Variants in EML3 observed in about 807,000 individuals in gnomAD.
EML3 encodes echinoderm microtubule-associated protein-like 3.
In EML3, 53 loss-of-function variants were observed where a neutral mutation model predicts 106.7. The ratio of observed to expected loss-of-function variants is 0.50; its 90% CI spans 0.40 to 0.62. The LOEUF is 0.62. Ranked by LOEUF, EML3 falls within the 20% of genes least tolerant of loss-of-function variation. The pLI, the probability that EML3 is intolerant of heterozygous loss-of-function variation, is 0.00. For synonymous variants in EML3, 499 were observed against 489.6 expected, an observed-to-expected ratio of 1.02 and a Z score of -0.25; for missense variants, 994 against 1,209.1, an observed-to-expected ratio of 0.82 and a Z score of 2.64.
rs754676453 is a variant in EML3, at chr11:62,604,218, T to C, written c.1983-17A>G. 1 of 1,612,542 alleles carries C rather than the reference T, an allele frequency of 6.2e-7. No individual in the cohort carries two copies. The highest frequency in any genetic ancestry group is 1.1e-5 in the South Asian group (1 of 90,990). On this transcript the variant is annotated splice_polypyrimidine_tract_variant and intron_variant, in intron 16 of 21. Transcript: ENST00000394773. ...ACCAACCACCTGGAAGGGAGGGAAG[T>C]GGAGGCAGATAGGAAGACGAAAAGG...
rs1295525201 is a variant in EML3, at chr11:62,607,677, CCT to C, written c.1349_1350del (p.Gln450ArgfsTer64). 1.2e-6 allele frequency: 2 copies of C among 1,613,268 alleles called. No individual in the cohort carries two copies. The highest frequency in any genetic ancestry group is 2.2e-5 in the East Asian group (1 of 44,902). On this transcript the variant is annotated frameshift_variant, in exon 11 of 22. Transcript: ENST00000394773. LOFTEE classifies it high-confidence loss of function. ...TATCCATGCCTCACCCCAAAGACAC[CCT>C]GTTTCCGGGTAAGGGTCCCATTCCC... ...VPGNGTLTRKQGVFGKYKKPK... is the reference protein window; with the variant it reads ...VPGNGTLTRKXGVFGKYKKPK...
At chr11:62,606,042 T>A in intron 13 of EML3, 21 bp downstream of exon 13, 1 of 1,613,704 alleles carries the variant, frequency 6.2e-7, no homozygotes, top group Non-Finnish European at 8.5e-7. Context: ...CTCACTCCCT[T>A]GACCCCAGCC....
At position 62,609,555 on chromosome 11, in the gene EML3, A is replaced by G; in HGVS notation, c.634+74T>C. The G allele has an allele frequency of 3.2e-6, 5 of 1,557,678 alleles. No individual in the cohort carries two copies. The Admixed American group carries it at 5.7e-5, about 18-fold the overall frequency. The stretch of plus-strand genomic sequence containing the variant: ...GAACCCTACCCACCACACCTACCCA[A>G]AATAGCTCCTGGGGCTACAGCCCAA... On this transcript the variant is annotated intron_variant, in intron 5 of 21. Transcript: ENST00000394773.
intron 20 of EML3, 60 bp from the exon 21 acceptor site, chr11:62,602,949 T>C: frequency 6.7e-7 from 1 of 1,483,742 alleles, no homozygotes; most frequent in Non-Finnish European, 8.9e-7. Flanking sequence ...GGCCCAGAGC[T>C]ACACCATTTC....
chr11:62,609,766 CAAG>C, intron 4 of EML3, 70 bp from the exon 5 acceptor site: 2 of 1,394,918 alleles, frequency 1.4e-6, no homozygotes, highest in South Asian at 2.8e-5. Flanking sequence ...GGGCAGGACA[CAAG>C]AAAAGAGGTC....
At position 62,611,439 on chromosome 11, in the gene EML3, A is replaced by G; in HGVS notation, c.180T>C (p.Ala60=). The change falls in exon 2 of 22, where the codon GCT becomes GCC. Residue 60 remains alanine (A), a synonymous_variant. Coordinates refer to ENST00000394773, the MANE Select transcript of EML3 (RefSeq NM_153265.3). ...GACATGCATACCTGTCCCCCGGAGG[A>G]GCTGGTGTGCCAGAGCCCTGCAGGG... is the stretch of plus-strand genomic sequence containing the variant. The part of the protein sequence containing the change: ...PSSLQGSGTP[A]PPGDSLAAPP... The G allele has an allele frequency of 6.2e-7, 1 of 1,613,708 alleles. No homozygotes were observed. Among genetic ancestry groups the G allele is most frequent in the South Asian group, 1.1e-5 (1 of 91,074 alleles).
At chr11:62,603,067 G>T in intron 20 of EML3, 82 bp downstream of exon 20, 2 of 1,574,168 alleles carry the variant, frequency 1.3e-6, no homozygotes, top group South Asian at 1.1e-5. Context: ...CTCACCCAAC[G>T]ACACACGCCC....
chr11:62,602,962 G>C, intron 20 of EML3, 73 bp from the exon 21 acceptor site: 1 of 1,472,856 alleles, frequency 6.8e-7, no homozygotes, highest in Non-Finnish European at 9.0e-7. Context: ...ACCATTTCAG[G>C]CGCTCCGGCA....
At chr11:62,607,199 G>A in intron 11 of EML3, 100 bp from the exon 12 acceptor site, 2 of 1,473,116 alleles carry the variant, frequency 1.4e-6, no homozygotes, top group Non-Finnish European at 1.8e-6. Context: ...TGTAATCCCA[G>A]CACTTTGGGA....
intron 1 of EML3, 59 bp from the exon 2 acceptor site, chr11:62,611,655 G>A (rs1590764133): frequency 2.6e-6 from 4 of 1,531,318 alleles, no homozygotes; most frequent in South Asian, 1.2e-5. Context: ...AGCGTAGAGG[G>A]GATTCTGTCT....
At chr11:62,612,326 G>T in intron 1 of EML3, 110 bp downstream of exon 1, 1 of 1,134,708 alleles carries the variant, frequency 8.8e-7, no homozygotes, top group Non-Finnish European at 1.2e-6. Context: ...GGAGCCCCTG[G>T]GGCGGAGGAG....
intron 16 of EML3, 167 bp downstream of exon 16, chr11:62,604,946 A>T (rs1042004197): frequency 4.5e-5 from 23 of 513,148 alleles, no homozygotes; most frequent in Non-Finnish European, 7.4e-5. Flanking sequence ...TTACCACAGA[A>T]GAGGAGGGGA....
Position 62,605,976 on chromosome 11 carries a change from G to A in EML3, c.1661C>T (p.Pro554Leu), listed in dbSNP as rs369636704. Residue 554 changes from proline to leucine, a missense_variant, in exon 14 of 22, where the codon CCC becomes CTC. By Grantham distance (98) the Pro-to-Leu change is moderately conservative. Around this residue, in one of 3 missense-constraint regions of EML3, gnomAD observed 713 missense variants for 920.5 expected, o/e 0.77. Transcript: ENST00000394773. This position sits in a 1 kb window ranked among gnomAD's most constrained non-coding sequence, Gnocchi z 5.2. ...GLVALQEAEIPEHFGAVRAIA... is the reference protein window; with the variant it reads ...GLVALQEAEILEHFGAVRAIA... ...GGCTCGCACGGCCCCGAAGTGCTCG[G>A]GAATCTGCAGAGTGGTAGCAGAATG... is the stretch of plus-strand genomic sequence containing the variant. 5 of 1,614,098 alleles carry A rather than the reference G, an allele frequency of 3.1e-6. No individual in the cohort carries two copies. Among genetic ancestry groups the A allele is most frequent in the Non-Finnish European group, 4.2e-6 (5 of 1,180,036 alleles).
chr11:62,603,728 C>T lies in EML3; in HGVS notation c.2257+1G>A, dbSNP rs762021525. ...CCATGTCCTGCTCCACTGCCACTCA[C>T]AGTAAAGAATCTCATAGTCCCCAGA... is the stretch of plus-strand genomic sequence containing the variant. On this transcript the variant is annotated splice_donor_variant, in intron 19 of 21. Transcript: ENST00000394773. LOFTEE classifies it high-confidence loss of function. The T allele has an allele frequency of 6.2e-7, 1 of 1,613,886 alleles. No homozygotes were observed. The highest frequency in any genetic ancestry group is 1.1e-5 in the South Asian group (1 of 91,076).
chr11:62,603,922 C>G (rs760041633), intron 18 of EML3, 22 bp downstream of exon 18: 1 of 1,613,800 alleles, frequency 6.2e-7, no homozygotes, highest in East Asian at 2.2e-5. Flanking sequence ...TCATGCCCCA[C>G]CACACACCCC....
rs1942871239 is a variant in EML3, at chr11:62,612,306, G to A, written c.22+130C>T. ...AGGGAGGGCGACCGGAGGAACTGTG[G>A]AGGATGCTCGGAGCCCCTGGGGCGG... On this transcript the variant is annotated intron_variant, in intron 1 of 21. Transcript: ENST00000394773. 6.6e-6 allele frequency: 6 copies of A among 909,328 alleles called. 1 individual carries two copies. In the South Asian group the frequency reaches 9.5e-5, roughly 14 times the overall value. 56.3% of individuals were successfully genotyped at this position (909,328 alleles called of 1,614,324 possible). A position where few individuals can be genotyped will look rare whatever the true frequency, so the allele number is the denominator to read the frequency against.
chr11:62,612,079 G>A (rs1348905963), intron 1 of EML3: 3 of 416,176 alleles, frequency 7.2e-6, no homozygotes, highest in Non-Finnish European at 4.3e-6. Flanking sequence ...GATCCAGAGT[G>A]ACAGGAGAGA....
Position 62,605,842 on chromosome 11 carries a change from C to T in EML3, c.1782+13G>A, listed in dbSNP as rs1942483296. 6.2e-7 allele frequency: 1 copy of T among 1,613,734 alleles called. No individual in the cohort carries two copies. The highest frequency in any genetic ancestry group is 1.3e-5 in the African/African-American group (1 of 74,924). ...CCTTTGTCCCTTCCTCCCCTGAGCCCTTAACCCCCAACCTGGATTACAGGG... is the reference window on the plus strand; with the variant it reads ...CCTTTGTCCCTTCCTCCCCTGAGCCTTTAACCCCCAACCTGGATTACAGGG... On this transcript the variant is annotated intron_variant, in intron 14 of 21. Transcript: ENST00000394773. The surrounding 1 kb of genome is among the most constrained non-coding windows in gnomAD (Gnocchi z 5.2).
At position 62,609,372 on chromosome 11, in the gene EML3, G is replaced by A. The variant is rs887013841; in HGVS notation, c.740C>T (p.Thr247Ile). 5 of 1,586,950 alleles carry A rather than the reference G, an allele frequency of 3.2e-6. No individual in the cohort carries two copies. The highest frequency in any genetic ancestry group is 4.3e-6 in the Non-Finnish European group (5 of 1,166,044). The change falls in exon 6 of 22, where the codon ACC becomes ATC. Residue 247 changes from threonine (T) to isoleucine (I), a missense_variant. By Grantham distance (89) the Thr-to-Ile change is moderately conservative. This residue lies in a region of EML3 where 713 missense variants were observed against 920.5 expected (regional missense o/e 0.77). Transcript: ENST00000394773. Reference protein sequence around the residue: ...EELPSGPPPETLSLDWVYGYR... With the variant: ...EELPSGPPPEILSLDWVYGYR... ...AGGATACACCCAGTCAAGGCTGAGGGTCTCTGGCGGTGGGCCACTCGGCAG... is the reference window on the plus strand; with the variant it reads ...AGGATACACCCAGTCAAGGCTGAGGATCTCTGGCGGTGGGCCACTCGGCAG...
Sources: allele counts gnomAD v4.1 joint callset, GRCh38; gene constraint gnomAD v4.1.1; regional missense constraint gnomAD v4.1.1; non-coding constraint Gnocchi (gnomAD v3.1); transcripts MANE v1.5; gene names NCBI Gene and HGNC (gene_info 2026-07-23, HGNC 2026-07-21).